The following NRG1 variants were observed in gnomAD, a reference collection of about 807,000 sequenced individuals.
NRG1 encodes the protein neuregulin 1.
A neutral mutation model predicts 63.8 loss-of-function variants in NRG1; 18 were observed. That is an observed-to-expected ratio of 0.28 (90% CI 0.19 to 0.42). NRG1 has a LOEUF of 0.42. Ranked by LOEUF, NRG1 falls within the 10% of genes least tolerant of loss-of-function variation. The pLI, the probability that NRG1 is intolerant of heterozygous loss-of-function variation, is 1.00. For missense variants in NRG1, 762 were observed against 814.7 expected (o/e 0.94, Z 0.79); for synonymous variants, 302 against 301.3 (o/e 1.00, Z -0.02).
At chr8:32,737,396 C>T (rs1192421791) in intron 6 of NRG1, among the ~76,000 whole-genome samples, 4 of 151,904 alleles carry the variant, frequency 2.6e-5, no homozygotes, top group African/African-American at 9.7e-5. Flanking sequence ...ACTGAAAATA[C>T]AAAAATTAGC....
intron 1 of NRG1, among the ~76,000 whole-genome samples, chr8:32,534,113 C>G (rs1831728365): frequency 6.6e-6 from 1 of 151,958 alleles, no homozygotes; most frequent in African/African-American, 2.4e-5. Flanking sequence ...ACCCAGAAAC[C>G]CTTGGAGAAG....
chr8:32,553,467 G>C (rs902882209), intron 1 of NRG1, among the ~76,000 whole-genome samples: 1 of 152,120 alleles, frequency 6.6e-6, no homozygotes, highest in African/African-American at 2.4e-5. Context: ...AAGTGGATAA[G>C]AGTGTCAAAT....
intron 1 of NRG1, among the ~76,000 whole-genome samples, chr8:32,141,544 G>GTGTGTA (rs1836260556): frequency 9.8e-6 from 1 of 102,346 alleles, no homozygotes; most frequent in South Asian, 3.2e-4. Flanking sequence ...GTGTGTGTGT[G>GTGTGTA]TATATATATA....
chr8:32,344,723 C>G (rs1004846964), intron 1 of NRG1, among the ~76,000 whole-genome samples: 2 of 149,648 alleles, frequency 1.3e-5, no homozygotes, highest in African/African-American at 4.9e-5. Flanking sequence ...GCTAGGATTA[C>G]AGGTGTGAGC....
intron 1 of NRG1, among the ~76,000 whole-genome samples, chr8:31,693,239 G>C (rs2131142133): frequency 6.6e-6 from 1 of 152,266 alleles, no homozygotes; most frequent in Non-Finnish European, 1.5e-5. Context: ...ATGGGCTGAG[G>C]GGAGCAGTCC....
At chr8:32,447,177 A>C (rs1255993346) in intron 1 of NRG1, among the ~76,000 whole-genome samples, 14 of 148,682 alleles carry the variant, frequency 9.4e-5, no homozygotes, top group Non-Finnish European at 1.8e-4. Flanking sequence ...CCACCACCAC[A>C]CCCGGCTAAT....
chr8:32,489,387 T>C (rs1314181387), intron 1 of NRG1, among the ~76,000 whole-genome samples: 2 of 152,158 alleles, frequency 1.3e-5, no homozygotes, highest in African/African-American at 4.8e-5. Context: ...GTTTCAGATT[T>C]TTCCTATTTA....
intron 1 of NRG1, among the ~76,000 whole-genome samples, chr8:31,952,292 T>A (rs745329840): frequency 1.3e-5 from 2 of 152,202 alleles, no homozygotes; most frequent in Admixed American, 6.5e-5. Flanking sequence ...AAAGAACTTA[T>A]TACAAATCAA....
At chr8:31,685,430 T>C (rs1808786220) in intron 1 of NRG1, among the ~76,000 whole-genome samples, 1 of 152,236 alleles carries the variant, frequency 6.6e-6, no homozygotes, top group Non-Finnish European at 1.5e-5. Context: ...ATTTATACTT[T>C]GTAAAAGTTT....
At chr8:32,225,572 A>G (rs1402667947) in intron 1 of NRG1, among the ~76,000 whole-genome samples, 1 of 152,086 alleles carries the variant, frequency 6.6e-6, no homozygotes, top group African/African-American at 2.4e-5. Flanking sequence ...ATTATGGAGC[A>G]TTTGGGGGTG....
chr8:31,639,540 C>G (rs1367506663), intron 1 of NRG1: 1 of 1,466,662 alleles, frequency 6.8e-7, no homozygotes, highest in Admixed American at 2.1e-5. Flanking sequence ...CTCTCCCAGC[C>G]GCTTGCTCGC....
rs139110028 is a variant in NRG1 at position 32,440,562 on chromosome 8, A to G, written c.38-155266A>G. On this transcript the variant is annotated intron_variant, in intron 1 of 10. Transcript: ENST00000519301. ...ATTATTTTTGGTCATCATGCTATAT[A>G]CTACAGAGAGCAGTTTTTAATTTGT... Among the ~76,000 whole-genome samples the G allele has an allele frequency of 2.0e-5, 3 of 152,314 alleles. No homozygotes were observed. In the East Asian group the frequency reaches 5.8e-4, roughly 29 times the overall value.
intron 5 of NRG1, among the ~76,000 whole-genome samples, chr8:32,700,315 G>A (rs550536590): frequency 6.6e-6 from 1 of 151,940 alleles, no homozygotes; most frequent in South Asian, 2.1e-4. Flanking sequence ...AATAATTTTG[G>A]CAATACTGTG....
At chr8:32,079,680 T>C (rs926992321) in intron 1 of NRG1, among the ~76,000 whole-genome samples, 1 of 152,170 alleles carries the variant, frequency 6.6e-6, no homozygotes, top group Admixed American at 6.5e-5. Context: ...AGCTGGTGCT[T>C]ACATCTAGGA....
intron 1 of NRG1, among the ~76,000 whole-genome samples, chr8:32,490,468 T>C (rs936765253): frequency 7.3e-6 from 1 of 137,648 alleles, no homozygotes; most frequent in African/African-American, 2.7e-5. Flanking sequence ...CATAATGATA[T>C]GCAGGACTGT....
intron 1 of NRG1, among the ~76,000 whole-genome samples, chr8:32,581,564 G>A (rs957230021): frequency 9.2e-5 from 14 of 152,112 alleles, no homozygotes; most frequent in Admixed American, 7.2e-4. Flanking sequence ...ACTTCCAGGA[G>A]CCTCTGTCTC....
chr8:31,946,297 A>G (rs1168255453), intron 1 of NRG1, among the ~76,000 whole-genome samples: 1 of 152,190 alleles, frequency 6.6e-6, no homozygotes, highest in Admixed American at 6.5e-5. Flanking sequence ...ACTGTTTTAA[A>G]ACCTGTACTA....
At chr8:32,408,643 A>T (rs1814443228) in intron 1 of NRG1, among the ~76,000 whole-genome samples, 1 of 151,828 alleles carries the variant, frequency 6.6e-6, no homozygotes, top group African/African-American at 2.4e-5. Context: ...AGGGAAGAAG[A>T]CTCTGTTGAG....
chr8:31,775,252 C>T (rs539573607), intron 1 of NRG1, among the ~76,000 whole-genome samples: 26 of 152,318 alleles, frequency 1.7e-4, no homozygotes, highest in Admixed American at 2.6e-4. Context: ...CCACAGAATA[C>T]AACTCAACCG....
Sources: gnomAD v4.1 joint callset for allele counts (sites outside exome capture counted in the v4.1 genomes callset) on GRCh38, gnomAD v4.1.1 for gene constraint, MANE v1.5 for transcripts, NCBI Gene and HGNC (gene_info 2026-07-23, HGNC 2026-07-21) for gene names.